TMEM87B: variants seen among roughly 807,000 people sequenced by gnomAD.
TMEM87B encodes transmembrane protein 87B.
A neutral mutation model predicts 80.3 loss-of-function variants in TMEM87B; 83 were observed. That is an observed-to-expected ratio of 1.03 (90% confidence interval 0.87 to 1.24). The LOEUF is 1.24. TMEM87B is among the 50% of genes most tolerant of loss of function. The probability of loss-of-function intolerance (pLI) is 0.00; values close to 1 mark genes in which losing one functional copy is unlikely to be tolerated. For synonymous variants in TMEM87B, 219 were observed against 230.5 expected (o/e 0.95, Z 0.45); for missense variants, 625 against 674.4 (o/e 0.93, Z 0.81).
rs1303905742 is a variant in TMEM87B at position 112,081,418 on chromosome 2, A to G, written c.738A>G (p.Leu246=). 6.2e-6 allele frequency: 10 copies of G among 1,613,878 alleles called. No homozygotes were observed. Among genetic ancestry groups the G allele is most frequent in the Non-Finnish European group, 8.5e-6 (10 of 1,179,918 alleles). Residue 246 remains leucine, a synonymous_variant, in exon 8 of 19, where the codon TTA becomes TTG. Transcript: ENST00000283206. ...CTGCCTGTTATTGGAAAGATATATT[A>G]AGAATCCAGTTCTGGATTGCAGCTG... is the stretch of plus-strand genomic sequence containing the variant. ...TWSACYWKDI[L]RIQFWIAAVI...
rs1480019241 is a variant in TMEM87B at position 112,055,622 on chromosome 2, C to T, written c.31C>T (p.Leu11Phe). 6 of 1,541,792 alleles carry T rather than the reference C, an allele frequency of 3.9e-6. No homozygotes were observed. In the East Asian group the frequency reaches 7.7e-5, roughly 20 times the overall value. The change falls in exon 1 of 19, where the codon CTC becomes TTC. Residue 11 changes from leucine (L) to phenylalanine (F), a missense_variant. Leu to Phe is a conservative substitution (Grantham distance 22). Coordinates refer to ENST00000283206, the MANE Select transcript of TMEM87B (RefSeq NM_032824.3). MVAACRSVAG[L>F]LPRRRRCFPA... ...CGCCGCCTGCCGCTCGGTAGCCGGG[C>T]TCCTGCCACGCCGCCGCCGCTGCTT...
In TMEM87B at chr2:112,104,684, A is replaced by G. The variant is rs541223656; in HGVS notation, c.1451-1318A>G. 4.6e-5 allele frequency among the ~76,000 whole-genome samples: 7 copies of G among 152,328 alleles called. No individual in the cohort carries two copies. The East Asian group carries it at 1.4e-3, about 29-fold the overall frequency. ...GACAGCTTCTTACAAAGTTAAGCAT[A>G]TACCTACCATACAGTTCAACTGTTC... On this transcript the variant is annotated intron_variant, in intron 15 of 18. Coordinates refer to ENST00000283206, the MANE Select transcript of TMEM87B (RefSeq NM_032824.3).
intron 4 of TMEM87B, among the ~76,000 whole-genome samples, chr2:112,069,221 A>AC (rs1678549927): frequency 1.1e-4 from 17 of 150,626 alleles, no homozygotes; most frequent in African/African-American, 4.2e-4. Flanking sequence ...AAAAAAAAAA[A>AC]CTCATGTCAC....
chr2:112,082,637 C>T (rs1174084470), intron 8 of TMEM87B, among the ~76,000 whole-genome samples: 1 of 151,908 alleles, frequency 6.6e-6, no homozygotes, highest in East Asian at 1.9e-4. Flanking sequence ...GATATCACTA[C>T]TCTGTAAGAA....
At chr2:112,115,453 AAGAG>A (rs1679997145) in intron 18 of TMEM87B, among the ~76,000 whole-genome samples, 1 of 145,644 alleles carries the variant, frequency 6.9e-6, no homozygotes, top group Non-Finnish European at 1.5e-5. Context: ...ACTCTACAGA[AAGAG>A]GTAGCATTAC....
Position 112,117,407 on chromosome 2 carries a change from A to G in TMEM87B, c.*1264A>G, listed in dbSNP as rs768242071. On this transcript the variant is annotated 3_prime_UTR_variant, in exon 19 of 19. Transcript: ENST00000283206. ...AATCTTAACCGGCACAAACACTCCAATTTTTTTCACTGTGAAGCCGCAAGC... is the reference window on the plus strand; with the variant it reads ...AATCTTAACCGGCACAAACACTCCAGTTTTTTTCACTGTGAAGCCGCAAGC... 1 of 152,026 alleles carries G rather than the reference A, an allele frequency of 6.6e-6. No homozygotes were observed. Among genetic ancestry groups the G allele is most frequent in the African/African-American group, 2.4e-5 (1 of 41,380 alleles). 9.4% of individuals were successfully genotyped at this position (152,026 alleles called of 1,614,324 possible).
chr2:112,105,835 A>G (rs1156319454), intron 15 of TMEM87B, 167 bp from the exon 16 acceptor site: 1 of 452,910 alleles, frequency 2.2e-6, no homozygotes, highest in African/African-American at 2.0e-5. Flanking sequence ...TTTTTCATAT[A>G]TTTTTCCTAC....
At chr2:112,064,116 G>A (rs770152988) in intron 2 of TMEM87B, 46 bp from the exon 3 acceptor site, 7 of 1,503,340 alleles carry the variant, frequency 4.7e-6, no homozygotes, top group South Asian at 1.1e-5. Flanking sequence ...TTATATTAGA[G>A]TGTATGTATT....
At chr2:112,099,420 A>G (rs899118045) in intron 14 of TMEM87B, among the ~76,000 whole-genome samples, 4 of 151,668 alleles carry the variant, frequency 2.6e-5, no homozygotes, top group Admixed American at 2.6e-4. Context: ...AAAATCTGAA[A>G]ACATCCAAAA....
intron 6 of TMEM87B, among the ~76,000 whole-genome samples, chr2:112,080,790 C>CA (rs1678972673): frequency 6.6e-6 from 1 of 152,070 alleles, no homozygotes; most frequent in Non-Finnish European, 1.5e-5. Context: ...GGATCAAATC[C>CA]AAAAAATCAT....
rs537776054 is a variant in TMEM87B, at chr2:112,067,349, T to C, written c.450+282T>C. Among the ~76,000 whole-genome samples the C allele has an allele frequency of 1.1e-4, 17 of 152,346 alleles. No homozygotes were observed. In the East Asian group the frequency reaches 3.3e-3, roughly 29 times the overall value. ...GTGGCTGGGCGCGGTGGCTCACACCTGTAATCCCAGCACCTTGGGAGACTG... is the reference window on the plus strand; with the variant it reads ...GTGGCTGGGCGCGGTGGCTCACACCCGTAATCCCAGCACCTTGGGAGACTG... On this transcript the variant is annotated intron_variant, in intron 4 of 18. Transcript: ENST00000283206.
Position 112,117,208 on chromosome 2 carries a change from A to G in TMEM87B, c.*1065A>G, listed in dbSNP as rs1353576582. 1 of 152,146 alleles carries G rather than the reference A, an allele frequency of 6.6e-6. No individual in the cohort carries two copies. Among genetic ancestry groups the G allele is most frequent in the East Asian group, 1.9e-4 (1 of 5,200 alleles). The allele number at this position is 152,146 out of a possible 1,614,324, so 9.4% of individuals were successfully genotyped here. A position where few individuals can be genotyped will look rare whatever the true frequency, so the allele number is the denominator to read the frequency against. ...ATGTTCTAAACTTGAAAGGCAATTGAATGTAGTATGATGAAAATGTGAATG... is the reference window on the plus strand; with the variant it reads ...ATGTTCTAAACTTGAAAGGCAATTGGATGTAGTATGATGAAAATGTGAATG... On this transcript the variant is annotated 3_prime_UTR_variant, in exon 19 of 19. Transcript: ENST00000283206.
At position 112,100,602 on chromosome 2, in the gene TMEM87B, ACTC is replaced by A. The variant is rs1679602695; in HGVS notation, c.1377-17_1377-15del. 6.5e-7 allele frequency: 1 copy of A among 1,546,274 alleles called. No homozygotes were observed. The highest frequency in any genetic ancestry group is 2.3e-5 in the East Asian group (1 of 44,040). On this transcript the variant is annotated splice_polypyrimidine_tract_variant and intron_variant, in intron 14 of 18. Transcript: ENST00000283206. Reference sequence around the variant, plus strand: ...CAAGTTTAAACATACTAGTAAAACTACTCCTTGTTTTTGCTATAGATATGCCTT... The same window carrying A: ...CAAGTTTAAACATACTAGTAAAACTACTTGTTTTTGCTATAGATATGCCTT...
Position 112,076,200 on chromosome 2 carries a change from C to T in TMEM87B, c.502-992C>T, listed in dbSNP as rs113661721. On this transcript the variant is annotated intron_variant, in intron 5 of 18. Coordinates refer to ENST00000283206, the MANE Select transcript of TMEM87B (RefSeq NM_032824.3). ...CCAGGAGGCTGAGGTTGCAGTGAGA[C>T]AAGATCGCACCATTGCACTTCAGCC... Among the ~76,000 whole-genome samples, 190 of 152,080 alleles carry T rather than the reference C, an allele frequency of 1.2e-3. 1 individual carries two copies. Among genetic ancestry groups the T allele is most frequent in the African/African-American group, 4.3e-3 (177 of 41,480 alleles).
At chr2:112,086,900 T>G (rs1429617833) in intron 9 of TMEM87B, among the ~76,000 whole-genome samples, 3 of 152,338 alleles carry the variant, frequency 2.0e-5, no homozygotes, top group Non-Finnish European at 2.9e-5. Flanking sequence ...TGATTCCCAG[T>G]ATCATTTTCT....
chr2:112,068,826 C>T (rs1018692307), intron 4 of TMEM87B, among the ~76,000 whole-genome samples: 39 of 152,208 alleles, frequency 2.6e-4, no homozygotes, highest in South Asian at 1.0e-3. Flanking sequence ...ACACTATCCT[C>T]ATTAAGGAGA....
rs754253658 is a variant in TMEM87B at position 112,106,075 on chromosome 2, T to G, written c.1524T>G (p.Phe508Leu). 1 of 1,553,492 alleles carries G rather than the reference T, an allele frequency of 6.4e-7. No homozygotes were observed. Among genetic ancestry groups the G allele is most frequent in the African/African-American group, 1.4e-5 (1 of 71,112 alleles). Residue 508 changes from phenylalanine (F) to leucine (L), a missense_variant and splice_region_variant, in exon 16 of 19, where the codon TTT (phenylalanine) becomes TTG (leucine). Coordinates refer to ENST00000283206, the MANE Select transcript of TMEM87B (RefSeq NM_032824.3). ...CTAAGCCTGCCACTTCTGAGAACTT[T>G]GTGAGTATGGTATATATTTAGTACA... The part of the protein sequence containing the change: ...GTAKPATSEN[F>L]DEDLKWVEEN...
Position 112,086,000 on chromosome 2 carries a change from C to T in TMEM87B, c.839-5C>T. Reference sequence around the variant, plus strand: ...AGTGAATTATTTTATTTTTTTCTTCCTCAGCCCAAGGCTTATTGATATTTG... The same window carrying T: ...AGTGAATTATTTTATTTTTTTCTTCTTCAGCCCAAGGCTTATTGATATTTG... On this transcript the variant is annotated splice_region_variant and splice_polypyrimidine_tract_variant and intron_variant, in intron 8 of 18. Transcript: ENST00000283206. 6.2e-7 allele frequency: 1 copy of T among 1,610,776 alleles called. No homozygotes were observed. Among genetic ancestry groups the T allele is most frequent in the Non-Finnish European group, 8.5e-7 (1 of 1,178,832 alleles).
At position 112,086,048 on chromosome 2, in the gene TMEM87B, G is replaced by A. The variant is rs1231111237; in HGVS notation, c.882G>A (p.Lys294=). The part of the protein sequence containing the change: ...LIFAELISAI[K]RTLARLLVII... ...TTGCGGAGTTGATTTCTGCGATTAA[G>A]AGGACGTTGGCTCGCCTTCTCGTGA... The change falls in exon 9 of 19, where the codon AAG becomes AAA. Residue 294 remains lysine, a synonymous_variant. Coordinates refer to ENST00000283206, the MANE Select transcript of TMEM87B (RefSeq NM_032824.3). 1 of 1,614,230 alleles carries A rather than the reference G, an allele frequency of 6.2e-7. No individual in the cohort carries two copies. The highest frequency in any genetic ancestry group is 2.2e-5 in the East Asian group (1 of 44,890).
Sources: gnomAD v4.1 joint callset for allele counts (sites outside exome capture counted in the v4.1 genomes callset) on GRCh38, gnomAD v4.1.1 for gene constraint, MANE v1.5 for transcripts, NCBI Gene and HGNC (gene_info 2026-07-23, HGNC 2026-07-21) for gene names.